Variants in NRP1 observed in about 807,000 individuals in gnomAD.
The protein encoded by NRP1 is neuropilin-1.
NRP1 carries 35 observed loss-of-function variants against 106.7 expected under a neutral mutation model. The observed-to-expected ratio is 0.33, with a 90% CI of 0.25 to 0.43. NRP1 has a LOEUF of 0.43. Ranked by LOEUF, NRP1 falls within the 20% of genes least tolerant of loss-of-function variation. The pLI is 1.00. For missense variants in NRP1, 1,024 were observed against 1,170.4 expected (o/e 0.87, Z 1.83); for synonymous variants, 437 against 417.9 (o/e 1.05, Z -0.56).
At chr10:33,262,703 C>CAAA (rs3035285) in intron 4 of NRP1, among the ~76,000 whole-genome samples, 3,203 of 100,622 alleles carry the variant, frequency 0.032, 198 homozygotes, top group African/African-American at 0.11. Flanking sequence ...AACTCTGTCT[C>CAAA]AAAAAAAAAA....
chr10:33,252,437 A>T (rs1464691774), intron 6 of NRP1, among the ~76,000 whole-genome samples: 1 of 152,138 alleles, frequency 6.6e-6, no homozygotes, highest in East Asian at 1.9e-4. Context: ...ACACGCGCCC[A>T]CTGGGGCTGC....
chr10:33,191,100 C>A (rs186186612), intron 13 of NRP1, among the ~76,000 whole-genome samples: 1 of 152,300 alleles, frequency 6.6e-6, no homozygotes, highest in East Asian at 1.9e-4. Context: ...TCAACTGATT[C>A]TCCTGTTCTG....
At chr10:33,319,002 CTTTTT>C (rs36010472) in intron 2 of NRP1, among the ~76,000 whole-genome samples, 1 of 90,764 alleles carries the variant, frequency 1.1e-5, no homozygotes, top group African/African-American at 3.5e-5. Flanking sequence ...TCTTTTCTTT[CTTTTT>C]TTTTTTTTTT....
At chr10:33,224,539 C>T (rs1839504300) in intron 7 of NRP1, among the ~76,000 whole-genome samples, 1 of 146,986 alleles carries the variant, frequency 6.8e-6, no homozygotes. Flanking sequence ...CTCATGGTTC[C>T]ATTTTGTTCT....
chr10:33,226,386 A>C, intron 6 of NRP1, 97 bp from the exon 7 acceptor site: 1 of 1,347,920 alleles, frequency 7.4e-7, no homozygotes, highest in Non-Finnish European at 1.0e-6. Flanking sequence ...GTTTTCATCC[A>C]CCTGGGATCA....
intron 8 of NRP1, among the ~76,000 whole-genome samples, chr10:33,216,039 C>A (rs1838734513): frequency 6.6e-6 from 1 of 152,204 alleles, no homozygotes; most frequent in Admixed American, 6.5e-5. Flanking sequence ...TCAAATGCCA[C>A]ATCGTTTACT....
At chr10:33,282,147 T>G (rs1481139740) in intron 2 of NRP1, among the ~76,000 whole-genome samples, 1 of 151,632 alleles carries the variant, frequency 6.6e-6, no homozygotes, top group Non-Finnish European at 1.5e-5. Context: ...TTTTAAATCA[T>G]GAAATCCGTT....
At chr10:33,185,222 C>T (rs568060828) in intron 15 of NRP1, among the ~76,000 whole-genome samples, 1 of 152,200 alleles carries the variant, frequency 6.6e-6, no homozygotes, top group Non-Finnish European at 1.5e-5. Flanking sequence ...CTTAATTAAA[C>T]TTATTCTGAT....
Position 33,317,318 on chromosome 10 carries a change from T to C in NRP1, c.248+13390A>G, listed in dbSNP as rs574797675. Among the ~76,000 whole-genome samples the C allele has an allele frequency of 2.6e-5, 4 of 152,330 alleles. No homozygotes were observed. In the East Asian group the frequency reaches 7.7e-4, roughly 29 times the overall value. On this transcript the variant is annotated intron_variant, in intron 2 of 16. Coordinates refer to ENST00000374867, the MANE Select transcript of NRP1 (RefSeq NM_003873.7). The stretch of plus-strand genomic sequence containing the variant: ...AGCTCTTTCCTGCAAACATGCTCTT[T>C]GGTGTTGCCACTAAGAACCAACTCC...
intron 13 of NRP1, among the ~76,000 whole-genome samples, chr10:33,189,934 A>G (rs1195721278): frequency 6.6e-6 from 1 of 152,166 alleles, no homozygotes; most frequent in Non-Finnish European, 1.5e-5. Context: ...TCTCTACACA[A>G]ATGATTGTGT....
intron 6 of NRP1, among the ~76,000 whole-genome samples, chr10:33,229,266 G>A (rs977112345): frequency 6.6e-6 from 1 of 152,174 alleles, no homozygotes; most frequent in Non-Finnish European, 1.5e-5. Flanking sequence ...GTGATTTTAA[G>A]TTGCTGCAGA....
intron 2 of NRP1, among the ~76,000 whole-genome samples, chr10:33,307,047 T>C (rs564633783): frequency 3.3e-5 from 5 of 152,320 alleles, no homozygotes; most frequent in African/African-American, 1.2e-4. Context: ...ACAGGCTGAT[T>C]CATAGCTTCC....
In NRP1 at chr10:33,330,900, T is replaced by C. The variant is rs757583544; in HGVS notation, c.74-18A>G. ...ACATTTATCTGCAATGAAAGTAAGATTTTAGCAGATCTTTCCTGACAACCT... is the reference window on the plus strand; with the variant it reads ...ACATTTATCTGCAATGAAAGTAAGACTTTAGCAGATCTTTCCTGACAACCT... On this transcript the variant is annotated intron_variant, in intron 1 of 16. Transcript: ENST00000374867. 1 of 1,585,178 alleles carries C rather than the reference T, an allele frequency of 6.3e-7. No individual in the cohort carries two copies. Among genetic ancestry groups the C allele is most frequent in the East Asian group, 2.3e-5 (1 of 44,364 alleles).
intron 6 of NRP1, among the ~76,000 whole-genome samples, chr10:33,251,587 C>CA (rs1841862635): frequency 1.3e-5 from 2 of 151,988 alleles, no homozygotes; most frequent in Non-Finnish European, 2.9e-5. Context: ...TTCTCATTGG[C>CA]AAAAAGAGAT....
At chr10:33,233,814 G>A (rs1192980747) in intron 6 of NRP1, among the ~76,000 whole-genome samples, 5 of 152,168 alleles carry the variant, frequency 3.3e-5, no homozygotes, top group African/African-American at 1.2e-4. Context: ...TCAAAGAGCT[G>A]TTTAATTCAT....
intron 15 of NRP1, among the ~76,000 whole-genome samples, chr10:33,183,612 G>T (rs1217294613): frequency 1.3e-5 from 2 of 152,222 alleles, no homozygotes; most frequent in Non-Finnish European, 2.9e-5. Flanking sequence ...CAGTATTCCT[G>T]TGGTACTAAG....
chr10:33,246,247 C>T (rs1159575025), intron 6 of NRP1, among the ~76,000 whole-genome samples: 1 of 147,376 alleles, frequency 6.8e-6, no homozygotes, highest in African/African-American at 2.5e-5. Context: ...AAAAAAAAAA[C>T]ACCTTAGAAT....
chr10:33,188,936 T>TATATATATATATATATATATATATAA (rs543920885), intron 13 of NRP1, among the ~76,000 whole-genome samples: 24 of 143,354 alleles, frequency 1.7e-4, no homozygotes, highest in African/African-American at 6.4e-4. Context: ...TATATATATA[T>TATATATATATATATATATATATATAA]AAATTAAAAC....
At chr10:33,186,123 G>A in intron 14 of NRP1, 94 bp downstream of exon 14, 3 of 1,437,384 alleles carry the variant, frequency 2.1e-6, no homozygotes, top group Non-Finnish European at 2.8e-6. Context: ...AATAATTTCG[G>A]AATAATTCCC....
Sources: gnomAD v4.1 joint callset for allele counts (sites outside exome capture counted in the v4.1 genomes callset) on GRCh38, gnomAD v4.1.1 for gene constraint, MANE v1.5 for transcripts, NCBI Gene and HGNC (gene_info 2026-07-23, HGNC 2026-07-21) for gene names.